Variants in KLF14 observed in about 807,000 individuals in gnomAD.
KLF14 encodes Krueppel-like factor 14.
A neutral mutation model predicts 16.2 loss-of-function variants in KLF14; 13 were observed. The ratio of observed to expected loss-of-function variants is 0.80; its 90% CI spans 0.52 to 1.28. The LOEUF is 1.28. KLF14 is among the 50% of genes most tolerant of loss of function. KLF14 has a pLI of 0.00. For synonymous variants in KLF14, 276 were observed against 233.7 expected (o/e 1.18, Z -1.65); for missense variants, 571 against 493.4 (o/e 1.16, Z -1.49).
At position 130,733,499 on chromosome 7, in the gene KLF14, C is replaced by T. The variant is rs1563091763; in HGVS notation, c.535G>A (p.Ala179Thr). 6.2e-7 allele frequency: 1 copy of T among 1,600,306 alleles called. No homozygotes were observed. The highest frequency in any genetic ancestry group is 1.7e-5 in the Admixed American group (1 of 57,886). Residue 179 changes from alanine to threonine, a missense_variant, in exon 1 of 1, where the codon GCG (alanine) becomes ACG (threonine). Transcript: ENST00000583337. This position sits in a 1 kb window ranked among gnomAD's most constrained non-coding sequence, Gnocchi z 5.2. Reference protein sequence around the residue: ...GALGAGPAPAADQAPRRRSVT... With the variant: ...GALGAGPAPATDQAPRRRSVT... Reference sequence around the variant, plus strand: ...GACCTCCTCCGGGGCGCCTGATCCGCGGCGGGGGCGGGGCCTGCCCCTAGG... The same window carrying T: ...GACCTCCTCCGGGGCGCCTGATCCGTGGCGGGGGCGGGGCCTGCCCCTAGG...
rs1797186818 is a variant in KLF14, at chr7:130,731,467, G to C, written c.*1595C>G. The C allele has an allele frequency of 6.6e-6, 1 of 152,000 alleles. No homozygotes were observed. Among genetic ancestry groups the C allele is most frequent in the Non-Finnish European group, 1.5e-5 (1 of 68,014 alleles). The allele number at this position is 152,000 out of a possible 1,614,324, so 9.4% of individuals were successfully genotyped here. ...AGGGAAAGAGTCACTTAGCAGGCCA[G>C]ACACCTAAGTTCTAGTCATGGCTCT... On this transcript the variant is annotated 3_prime_UTR_variant, in exon 1 of 1. Transcript: ENST00000583337.
Position 130,733,435 on chromosome 7 carries a change from G to T in KLF14, c.599C>A (p.Pro200Gln), listed in dbSNP as rs1554470883. The T allele has an allele frequency of 6.2e-7, 1 of 1,613,924 alleles. No individual in the cohort carries two copies. The highest frequency in any genetic ancestry group is 1.3e-5 in the African/African-American group (1 of 74,946). Reference protein sequence around the residue: ...PAAKRHQCPFPGCTKAYYKSS... With the variant: ...PAAKRHQCPFQGCTKAYYKSS... Reference sequence around the variant, plus strand: ...CTTGTAATAGGCTTTGGTGCAGCCCGGGAAGGGGCATTGGTGGCGCTTGGC... The same window carrying T: ...CTTGTAATAGGCTTTGGTGCAGCCCTGGAAGGGGCATTGGTGGCGCTTGGC... Residue 200 changes from proline (P) to glutamine (Q), a missense_variant, in exon 1 of 1, where the codon CCG (proline) becomes CAG (glutamine). Transcript: ENST00000583337. This position sits in a 1 kb window ranked among gnomAD's most constrained non-coding sequence, Gnocchi z 5.2.
chr7:130,733,730 C>G lies in KLF14; in HGVS notation c.304G>C (p.Glu102Gln), dbSNP rs782497758. 5 of 1,552,170 alleles carry G rather than the reference C, an allele frequency of 3.2e-6. No individual in the cohort carries two copies. The South Asian group carries it at 3.5e-5, about 11-fold the overall frequency. The change falls in exon 1 of 1, where the codon GAG (glutamate) becomes CAG (glutamine). Residue 102 changes from glutamate to glutamine, a missense_variant. By Grantham distance (29) the Glu-to-Gln change is conservative. Coordinates refer to ENST00000583337, the MANE Select transcript of KLF14 (RefSeq NM_138693.4). This position sits in a 1 kb window ranked among gnomAD's most constrained non-coding sequence, Gnocchi z 5.2. ...LRGSSGEGSW[E>Q]NSGEAPRASS... Reference sequence around the variant, plus strand: ...GCGCGTGGAGCTTCCCCCGAGTTCTCCCAGGAGCCCTCGCCAGAGCTGCCG... The same window carrying G: ...GCGCGTGGAGCTTCCCCCGAGTTCTGCCAGGAGCCCTCGCCAGAGCTGCCG...
In KLF14 at chr7:130,730,868, T is replaced by C. The variant is rs1797178288; in HGVS notation, c.*2194A>G. ...ACAAAGAGGAAACAGTAGTCTTCAA[T>C]AGGACCCCCAATGCCCTAGCTATCC... is the stretch of plus-strand genomic sequence containing the variant. On this transcript the variant is annotated 3_prime_UTR_variant, in exon 1 of 1. Coordinates refer to ENST00000583337, the MANE Select transcript of KLF14 (RefSeq NM_138693.4). Among the ~76,000 whole-genome samples the C allele has an allele frequency of 6.6e-6, 1 of 152,200 alleles. No homozygotes were observed. The highest frequency in any genetic ancestry group is 2.4e-5 in the African/African-American group (1 of 41,438).
At position 130,733,769 on chromosome 7, in the gene KLF14, A is replaced by G. The variant is rs782049900; in HGVS notation, c.265T>C (p.Trp89Arg). ...AAPHLLAASV[W>R]ADLRGSSGEG... ...CCAGAGCTGCCGCGCAAGTCCGCCC[A>G]GACGCTTGCAGCCAGCAGGTGGGGC... Residue 89 changes from tryptophan to arginine, a missense_variant, in exon 1 of 1, where the codon TGG becomes CGG. Transcript: ENST00000583337. The surrounding 1 kb of genome is among the most constrained non-coding windows in gnomAD (Gnocchi z 5.2). 2.0e-6 allele frequency: 3 copies of G among 1,512,522 alleles called. No homozygotes were observed. In the South Asian group the frequency reaches 3.7e-5, roughly 19 times the overall value. The allele number at this position is 1,512,522 out of a possible 1,614,324, so 93.7% of individuals were successfully genotyped here. A position where few individuals can be genotyped will look rare whatever the true frequency, so the allele number is the denominator to read the frequency against.
rs1364074205 is a variant in KLF14, at chr7:130,734,007, G to A, written c.27C>T (p.Asp9=). Residue 9 remains aspartate (D), a synonymous_variant, in exon 1 of 1, where the codon GAC becomes GAT. Transcript: ENST00000583337. The surrounding 1 kb of genome is among the most constrained non-coding windows in gnomAD (Gnocchi z 4.4). Reference sequence around the variant, plus strand: ...ACACCAGGCACTCGGCGGCGAAGTAGTCCAGGCACGCCACGGCGGCCGACA... The same window carrying A: ...ACACCAGGCACTCGGCGGCGAAGTAATCCAGGCACGCCACGGCGGCCGACA... MSAAVACL[D]YFAAECLVSM... 4.5e-6 allele frequency: 6 copies of A among 1,346,558 alleles called. No individual in the cohort carries two copies. The highest frequency in any genetic ancestry group is 5.7e-6 in the Non-Finnish European group (6 of 1,043,682). 83.4% of individuals were successfully genotyped at this position (1,346,558 alleles called of 1,614,324 possible). A position where few individuals can be genotyped will look rare whatever the true frequency, so the allele number is the denominator to read the frequency against.
Position 130,733,719 on chromosome 7 carries a change from C to T in KLF14, c.315G>A (p.Gly105=), listed in dbSNP as rs1554471039. ...SSGEGSWENS[G]EAPRASSGFS... is the part of the protein sequence containing the mutation. Reference sequence around the variant, plus strand: ...AGCCGGACGAGGCGCGTGGAGCTTCCCCCGAGTTCTCCCAGGAGCCCTCGC... The same window carrying T: ...AGCCGGACGAGGCGCGTGGAGCTTCTCCCGAGTTCTCCCAGGAGCCCTCGC... The change falls in exon 1 of 1, where the codon GGG becomes GGA. Residue 105 remains glycine, a synonymous_variant. Transcript: ENST00000583337. This position sits in a 1 kb window ranked among gnomAD's most constrained non-coding sequence, Gnocchi z 5.2. 1 of 1,560,292 alleles carries T rather than the reference C, an allele frequency of 6.4e-7. No homozygotes were observed. The highest frequency in any genetic ancestry group is 2.4e-5 in the East Asian group (1 of 42,036).
At position 130,734,153 on chromosome 7, in the gene KLF14, C is replaced by T; in HGVS notation, c.-120G>A. The T allele has an allele frequency of 4.3e-6, 2 of 464,108 alleles. No homozygotes were observed. The highest frequency in any genetic ancestry group is 1.8e-4 in the South Asian group (2 of 11,212). 28.7% of individuals were successfully genotyped at this position (464,108 alleles called of 1,614,324 possible). A position where few individuals can be genotyped will look rare whatever the true frequency, so the allele number is the denominator to read the frequency against. ...GAGAAGCAGGAGGCCGGGTGCTCGC[C>T]GCCTGCCGCCTGCTGCCGCCGCCGC... is the stretch of plus-strand genomic sequence containing the variant. On this transcript the variant is annotated 5_prime_UTR_variant, in exon 1 of 1. Coordinates refer to ENST00000583337, the MANE Select transcript of KLF14 (RefSeq NM_138693.4). This position sits in a 1 kb window ranked among gnomAD's most constrained non-coding sequence, Gnocchi z 4.4.
chr7:130,733,878 C>T lies in KLF14; in HGVS notation c.156G>A (p.Leu52=), dbSNP rs1177786157. The change falls in exon 1 of 1, where the codon CTG becomes CTA. Residue 52 remains leucine (L), a synonymous_variant. Transcript: ENST00000583337. The surrounding 1 kb of genome is among the most constrained non-coding windows in gnomAD (Gnocchi z 5.2). ...EVGAAPPESA[L]PGPGPPGPAS... is the part of the protein sequence containing the mutation. ...CGGGCCCCGGTGGCCCCGGACCCGG[C>T]AGAGCGGACTCCGGCGGCGCCGCAC... The T allele has an allele frequency of 1.3e-5, 18 of 1,336,190 alleles. No homozygotes were observed. Among genetic ancestry groups the T allele is most frequent in the Non-Finnish European group, 1.7e-5 (18 of 1,050,442 alleles). The allele number at this position is 1,336,190 out of a possible 1,614,324, so 82.8% of individuals were successfully genotyped here.
chr7:130,732,813 A>C lies in KLF14; in HGVS notation c.*249T>G, dbSNP rs1189288293. ...GTACGGGAGTTCATCCCTTCTTATCAGTTCCTGGGGGCTGTCTTGAGGCAA... is the reference window on the plus strand; with the variant it reads ...GTACGGGAGTTCATCCCTTCTTATCCGTTCCTGGGGGCTGTCTTGAGGCAA... On this transcript the variant is annotated 3_prime_UTR_variant, in exon 1 of 1. Coordinates refer to ENST00000583337, the MANE Select transcript of KLF14 (RefSeq NM_138693.4). 4.1e-6 allele frequency: 2 copies of C among 492,524 alleles called. No homozygotes were observed. The highest frequency in any genetic ancestry group is 7.2e-6 in the Non-Finnish European group (2 of 277,370). The allele number at this position is 492,524 out of a possible 1,614,324, so 30.5% of individuals were successfully genotyped here.
In KLF14 at chr7:130,730,979, C is replaced by T. The variant is rs113644466; in HGVS notation, c.*2083G>A. ...TTTCACAGTGGGGGGCCTTCTCCTC[C>T]CACATGTAACTCAACAGCCCCACCT... On this transcript the variant is annotated 3_prime_UTR_variant, in exon 1 of 1. Transcript: ENST00000583337. 3.3e-5 allele frequency among the ~76,000 whole-genome samples: 5 copies of T among 152,292 alleles called. No homozygotes were observed. The highest frequency in any genetic ancestry group is 9.6e-5 in the African/African-American group (4 of 41,556).
In KLF14 at chr7:130,733,044, C is replaced by T. The variant is rs375723814; in HGVS notation, c.*18G>A. On this transcript the variant is annotated 3_prime_UTR_variant, in exon 1 of 1. Coordinates refer to ENST00000583337, the MANE Select transcript of KLF14 (RefSeq NM_138693.4). The surrounding 1 kb of genome is among the most constrained non-coding windows in gnomAD (Gnocchi z 5.2). ...TGGGGGATCATCCTTGAGGGTAAGA[C>T]TGACAGCAATGACTGTCCTACAGGC... is the stretch of plus-strand genomic sequence containing the variant. 5.2e-6 allele frequency: 8 copies of T among 1,540,706 alleles called. No individual in the cohort carries two copies. The African/African-American group carries it at 8.3e-5, about 16-fold the overall frequency.
In KLF14 at chr7:130,731,881, G is replaced by C. The variant is rs140484319; in HGVS notation, c.*1181C>G. The stretch of plus-strand genomic sequence containing the variant: ...TTGGAGGGACTATATGGTCAGAGGA[G>C]AAAGTTCCTCCTATTTCATAATAGC... On this transcript the variant is annotated 3_prime_UTR_variant, in exon 1 of 1. Coordinates refer to ENST00000583337, the MANE Select transcript of KLF14 (RefSeq NM_138693.4). The C allele has an allele frequency of 4.5e-4, 69 of 152,258 alleles. No individual in the cohort carries two copies. Among genetic ancestry groups the C allele is most frequent in the African/African-American group, 1.3e-3 (55 of 41,538 alleles). 9.4% of individuals were successfully genotyped at this position (152,258 alleles called of 1,614,324 possible).
chr7:130,732,946 G>A lies in KLF14; in HGVS notation c.*116C>T. 2 of 1,319,348 alleles carry A rather than the reference G, an allele frequency of 1.5e-6. No homozygotes were observed. Among genetic ancestry groups the A allele is most frequent in the South Asian group, 1.5e-5 (1 of 65,274 alleles). 81.7% of individuals were successfully genotyped at this position (1,319,348 alleles called of 1,614,324 possible). On this transcript the variant is annotated 3_prime_UTR_variant, in exon 1 of 1. Coordinates refer to ENST00000583337, the MANE Select transcript of KLF14 (RefSeq NM_138693.4). ...TGCCTGGACCCACCCTCAGAGCAGA[G>A]GAACCAGTCTGTGCCTTGGTGTAAT...
At position 130,733,330 on chromosome 7, in the gene KLF14, T is replaced by C. The variant is rs201852048; in HGVS notation, c.704A>G (p.Lys235Arg). The change falls in exon 1 of 1, where the codon AAG becomes AGG. Residue 235 changes from lysine to arginine, a missense_variant. Coordinates refer to ENST00000583337, the MANE Select transcript of KLF14 (RefSeq NM_138693.4). The surrounding 1 kb of genome is among the most constrained non-coding windows in gnomAD (Gnocchi z 5.2). The stretch of plus-strand genomic sequence containing the variant: ...GGCCAGCTCGTCGGAACGCGTAAAC[T>C]TCTTGTCGCAGTCGAGCCAGTCGCA... ...FSCDWLDCDK[K>R]FTRSDELARH... The C allele has an allele frequency of 6.5e-5, 104 of 1,611,922 alleles. No homozygotes were observed. In the Admixed American group the frequency reaches 1.1e-3, roughly 18 times the overall value.
chr7:130,733,269 G>A lies in KLF14; in HGVS notation c.765C>T (p.Phe255=), dbSNP rs782058122. The A allele has an allele frequency of 6.8e-6, 11 of 1,613,598 alleles. No homozygotes were observed. Among genetic ancestry groups the A allele is most frequent in the Admixed American group, 1.7e-5 (1 of 59,948 alleles). The change falls in exon 1 of 1, where the codon TTC becomes TTT. Residue 255 remains phenylalanine (F), a synonymous_variant. Coordinates refer to ENST00000583337, the MANE Select transcript of KLF14 (RefSeq NM_138693.4). This position sits in a 1 kb window ranked among gnomAD's most constrained non-coding sequence, Gnocchi z 5.2. The part of the protein sequence containing the change: ...HYRTHTGEKR[F]SCPLCPKQFS... ...ACTGCTTGGGGCAGAGGGGGCAGGAGAAGCGCTTCTCGCCCGTGTGCGTCC... is the reference window on the plus strand; with the variant it reads ...ACTGCTTGGGGCAGAGGGGGCAGGAAAAGCGCTTCTCGCCCGTGTGCGTCC...
chr7:130,733,941 G>A lies in KLF14; in HGVS notation c.93C>T (p.Asp31=), dbSNP rs1554471200. 4 of 1,364,098 alleles carry A rather than the reference G, an allele frequency of 2.9e-6. No individual in the cohort carries two copies. Among genetic ancestry groups the A allele is most frequent in the South Asian group, 1.5e-5 (1 of 64,928 alleles). The allele number at this position is 1,364,098 out of a possible 1,614,324, so 84.5% of individuals were successfully genotyped here. Residue 31 remains aspartate, a synonymous_variant, in exon 1 of 1, where the codon GAC becomes GAT. Transcript: ENST00000583337. This position sits in a 1 kb window ranked among gnomAD's most constrained non-coding sequence, Gnocchi z 5.2. The stretch of plus-strand genomic sequence containing the variant: ...CAGCGGCTCCACCCGCGCCCTCGGG[G>A]TCCGGCGGGCGGCGGTGAACCACGG... ...AGAVVHRRPP[D]PEGAGGAAGS... is the part of the protein sequence containing the mutation.
chr7:130,731,631 T>C lies in KLF14; in HGVS notation c.*1431A>G, dbSNP rs1799049991. The C allele has an allele frequency of 6.6e-6, 1 of 152,334 alleles. No homozygotes were observed. Among genetic ancestry groups the C allele is most frequent in the Non-Finnish European group, 1.5e-5 (1 of 68,160 alleles). The allele number at this position is 152,334 out of a possible 1,614,324, so 9.4% of individuals were successfully genotyped here. ...CAGCATCTTCCCCAAGTGTCAGTGA[T>C]GGACTATTGCAAAATATTCAGGAGG... On this transcript the variant is annotated 3_prime_UTR_variant, in exon 1 of 1. Transcript: ENST00000583337.
rs1554470951 is a variant in KLF14 at position 130,733,586 on chromosome 7, C to T, written c.448G>A (p.Val150Ile). The T allele has an allele frequency of 6.5e-7, 1 of 1,548,042 alleles. No homozygotes were observed. The highest frequency in any genetic ancestry group is 8.7e-7 in the Non-Finnish European group (1 of 1,147,562). Residue 150 changes from valine (V) to isoleucine (I), a missense_variant, in exon 1 of 1, where the codon GTC becomes ATC. Coordinates refer to ENST00000583337, the MANE Select transcript of KLF14 (RefSeq NM_138693.4). The surrounding 1 kb of genome is among the most constrained non-coding windows in gnomAD (Gnocchi z 5.2). ...APESSSDAPA[V>I]PSAPAAPGAP... is the part of the protein sequence containing the mutation. ...CCCGGGGCAGCAGGCGCGCTTGGGA[C>T]GGCGGGCGCATCGGAGGAGCTCTCG...
Sources: gnomAD v4.1 joint callset for allele counts (sites outside exome capture counted in the v4.1 genomes callset) on GRCh38, gnomAD v4.1.1 for gene constraint, Gnocchi (gnomAD v3.1) non-coding constraint, MANE v1.5 for transcripts, NCBI Gene and HGNC (gene_info 2026-07-23, HGNC 2026-07-21) for gene names.